Variants in TRAPPC12 observed in about 807,000 individuals in gnomAD.
TRAPPC12 encodes the protein TPR repeat protein 15.
A neutral mutation model predicts 69.2 loss-of-function variants in TRAPPC12; 61 were observed. The ratio of observed to expected loss-of-function variants is 0.88; its 90% CI spans 0.72 to 1.09. The LOEUF (loss-of-function observed/expected upper bound fraction) is 1.09. Ranked by LOEUF, TRAPPC12 falls within the 50% of genes least tolerant of loss-of-function variation. The pLI, the probability that TRAPPC12 is intolerant of heterozygous loss-of-function variation, is 0.00. For missense variants in TRAPPC12, 1,101 were observed against 1,016.4 expected, an observed-to-expected ratio of 1.08 and a Z score of -1.13; for synonymous variants, 469 against 438.9, an observed-to-expected ratio of 1.07 and a Z score of -0.86.
At chr2:3,440,812 TTATTAA>T (rs772780979) in intron 5 of TRAPPC12, among the ~76,000 whole-genome samples, 21 of 152,346 alleles carry the variant, frequency 1.4e-4, no homozygotes, top group South Asian at 1.0e-3. Context: ...TAGATGTCCT[TTATTAA>T]GTTGAGGAAG....
chr2:3,391,308 T>G (rs148601161), intron 2 of TRAPPC12, among the ~76,000 whole-genome samples: 147 of 152,194 alleles, frequency 9.7e-4, no homozygotes, highest in African/African-American at 3.4e-3. Flanking sequence ...ACTTACCCAC[T>G]CCACTCTCAC....
chr2:3,381,387 T>G (rs1354009456), intron 1 of TRAPPC12, among the ~76,000 whole-genome samples: 1 of 152,208 alleles, frequency 6.6e-6, no homozygotes, highest in East Asian at 1.9e-4. Context: ...TAGGAACTTT[T>G]TATTTCTCAA....
At chr2:3,403,964 C>G (rs531862057) in intron 3 of TRAPPC12, among the ~76,000 whole-genome samples, 1 of 152,300 alleles carries the variant, frequency 6.6e-6, no homozygotes, top group East Asian at 1.9e-4. Flanking sequence ...AACAAAGTAA[C>G]AAAATTTTTT....
At chr2:3,435,632 T>A (rs763474360) in intron 5 of TRAPPC12, among the ~76,000 whole-genome samples, 72 of 152,206 alleles carry the variant, frequency 4.7e-4, no homozygotes, top group Non-Finnish European at 9.1e-4. Context: ...CTCCACCTGC[T>A]CCAGCAGCGC....
At chr2:3,411,434 A>G (rs1278689026) in intron 3 of TRAPPC12, among the ~76,000 whole-genome samples, 1 of 152,222 alleles carries the variant, frequency 6.6e-6, no homozygotes, top group African/African-American at 2.4e-5. Flanking sequence ...ACAAATAGCA[A>G]GTTCCTGTAT....
At chr2:3,423,220 C>T (rs1016224201) in intron 4 of TRAPPC12, among the ~76,000 whole-genome samples, 59 of 152,154 alleles carry the variant, frequency 3.9e-4, no homozygotes, top group African/African-American at 1.3e-3. Context: ...TGTGAAATTT[C>T]ATCTTCTCGT....
chr2:3,479,030 C>G (rs1172491177), intron 11 of TRAPPC12, 97 bp downstream of exon 11: 1 of 1,481,882 alleles, frequency 6.7e-7, no homozygotes, highest in Non-Finnish European at 9.3e-7. Flanking sequence ...TGCGCTCTCT[C>G]TCTCCAGTCC....
At chr2:3,425,424 A>G (rs1476897807) in intron 5 of TRAPPC12, among the ~76,000 whole-genome samples, 1 of 152,144 alleles carries the variant, frequency 6.6e-6, no homozygotes, top group Non-Finnish European at 1.5e-5. Flanking sequence ...TGCTTCCCCC[A>G]TTGAATCGCG....
At chr2:3,464,205 A>G (rs1301194344) in intron 8 of TRAPPC12, among the ~76,000 whole-genome samples, 1 of 152,042 alleles carries the variant, frequency 6.6e-6, no homozygotes, top group African/African-American at 2.4e-5. Context: ...TTACACACAC[A>G]TGCTCGCACT....
Position 3,388,304 on chromosome 2 carries a change from T to G in TRAPPC12, c.681T>G (p.Phe227Leu), listed in dbSNP as rs10865541. Reference sequence around the variant, plus strand: ...TGGCCTCGGACTTCTTCGACTCCTTTACTACCTCCGCCTTCATTTCCGTCA... The same window carrying G: ...TGGCCTCGGACTTCTTCGACTCCTTGACTACCTCCGCCTTCATTTCCGTCA... ...HSLASDFFDS[F>L]TTSAFISVSN... The change falls in exon 2 of 12, where the codon TTT becomes TTG. Residue 227 changes from phenylalanine to leucine, a missense_variant. Physicochemically the swap from Phe to Leu is conservative, Grantham distance 22 (BLOSUM62 0). Transcript: ENST00000324266. 2 of 1,606,748 alleles carry G rather than the reference T, an allele frequency of 1.2e-6. No homozygotes were observed. Among genetic ancestry groups the G allele is most frequent in the South Asian group, 1.1e-5 (1 of 90,336 alleles).
chr2:3,399,823 C>A (rs1169557063), intron 2 of TRAPPC12, among the ~76,000 whole-genome samples: 1 of 143,368 alleles, frequency 7.0e-6, no homozygotes, highest in South Asian at 2.5e-4. Context: ...CCGCCACCGC[C>A]CCGCCGCCAA....
intron 2 of TRAPPC12, among the ~76,000 whole-genome samples, chr2:3,400,574 T>A (rs934219117): frequency 6.6e-6 from 1 of 152,168 alleles, no homozygotes. Context: ...GGTCCAGGGC[T>A]GTGTCCTGGT....
At chr2:3,383,648 G>A (rs1043800489) in intron 1 of TRAPPC12, among the ~76,000 whole-genome samples, 16 of 151,402 alleles carry the variant, frequency 1.1e-4, no homozygotes, top group Admixed American at 5.3e-4. Flanking sequence ...CTCGTGATAC[G>A]CCCGCCCCGG....
intron 5 of TRAPPC12, among the ~76,000 whole-genome samples, chr2:3,434,107 T>C (rs1663617932): frequency 6.6e-6 from 1 of 152,242 alleles, no homozygotes. Context: ...AACAAAAGTA[T>C]GAATTACACC....
chr2:3,433,893 T>C (rs748176666), intron 5 of TRAPPC12, among the ~76,000 whole-genome samples: 3 of 152,170 alleles, frequency 2.0e-5, no homozygotes, highest in Non-Finnish European at 2.9e-5. Flanking sequence ...CCTTTTTTTT[T>C]CCTTTCCAAT....
chr2:3,412,705 G>A (rs116568785), intron 3 of TRAPPC12, among the ~76,000 whole-genome samples: 3,554 of 152,230 alleles, frequency 0.023, 181 homozygotes, highest in African/African-American at 0.081. Flanking sequence ...CATCTAGAAC[G>A]GATTCATGTC....
chr2:3,443,235 T>C (rs897751510), intron 5 of TRAPPC12, among the ~76,000 whole-genome samples: 1 of 152,328 alleles, frequency 6.6e-6, no homozygotes, highest in African/African-American at 2.4e-5. Context: ...CAGGGCCACA[T>C]GGAATCCAGT....
Position 3,387,934 on chromosome 2 carries a change from C to T in TRAPPC12, c.311C>T (p.Pro104Leu), listed in dbSNP as rs868618009. The T allele has an allele frequency of 2.0e-6, 3 of 1,505,216 alleles. No individual in the cohort carries two copies. Among genetic ancestry groups the T allele is most frequent in the South Asian group, 2.5e-5 (2 of 78,574 alleles). 93.2% of individuals were successfully genotyped at this position (1,505,216 alleles called of 1,614,324 possible). The change falls in exon 2 of 12, where the codon CCC (proline) becomes CTC (leucine). Residue 104 changes from proline to leucine, a missense_variant. Physicochemically the swap from Pro to Leu is moderately conservative, Grantham distance 98. Coordinates refer to ENST00000324266, the MANE Select transcript of TRAPPC12 (RefSeq NM_016030.6). ...PGGEGDPGPEPAGTPSPSGEA... is the reference protein window; with the variant it reads ...PGGEGDPGPELAGTPSPSGEA... ...GGGGAAGGCGACCCAGGCCCGGAGC[C>T]CGCGGGCACCCCGAGTCCCAGCGGC...
intron 3 of TRAPPC12, among the ~76,000 whole-genome samples, chr2:3,408,644 A>C (rs1661863714): frequency 6.6e-6 from 1 of 152,170 alleles, no homozygotes; most frequent in African/African-American, 2.4e-5. Context: ...AATTTAAAAA[A>C]AAATAATAAT....
Sources: gnomAD v4.1 joint callset for allele counts (sites outside exome capture counted in the v4.1 genomes callset) on GRCh38, gnomAD v4.1.1 for gene constraint, MANE v1.5 for transcripts, NCBI Gene and HGNC (gene_info 2026-07-23, HGNC 2026-07-21) for gene names.